The following DCDC2 variants were observed in gnomAD, a reference collection of about 807,000 sequenced individuals.
The protein encoded by DCDC2 is doublecortin domain-containing protein 2.
Under a neutral mutation model 50.2 loss-of-function variants are expected in DCDC2, and 40 were observed. That is an observed-to-expected ratio of 0.80 (90% confidence interval 0.62 to 1.04). The LOEUF is 1.04. Ranked by LOEUF, DCDC2 falls within the 50% of genes least tolerant of loss-of-function variation. The pLI is 0.00. For missense variants in DCDC2, 570 were observed against 581.9 expected (o/e 0.98, Z 0.21); for synonymous variants, 234 against 210.6 (o/e 1.11, Z -0.96).
intron 2 of DCDC2, among the ~76,000 whole-genome samples, chr6:24,306,543 T>TAGATAGAGAGACAGAC (rs1209633765): frequency 6.9e-5 from 8 of 115,722 alleles, no homozygotes; most frequent in East Asian, 2.7e-4. Flanking sequence ...GATAGATAGA[T>TAGATAGAGAGACAGAC]AGACAGACAG....
chr6:24,182,531 C>T (rs1761096434), intron 8 of DCDC2, among the ~76,000 whole-genome samples: 1 of 147,754 alleles, frequency 6.8e-6, no homozygotes, highest in South Asian at 2.1e-4. Context: ...ATACAAATGG[C>T]CAATAATCAC....
At chr6:24,287,366 A>AT (rs11400254) in intron 6 of DCDC2, among the ~76,000 whole-genome samples, 149,646 of 152,092 alleles carry the variant, frequency 0.98, 73,655 homozygotes, top group Middle Eastern at 1. Flanking sequence ...ATTTTGTTTC[A>AT]TTTTTTTGAG....
At chr6:24,216,318 A>C (rs1296588077) in intron 7 of DCDC2, among the ~76,000 whole-genome samples, 1 of 151,926 alleles carries the variant, frequency 6.6e-6, no homozygotes, top group Non-Finnish European at 1.5e-5. Flanking sequence ...GAAATAGTAA[A>C]AGGTAACAGG....
chr6:24,344,632 T>G (rs1188944587), intron 2 of DCDC2, among the ~76,000 whole-genome samples: 1 of 152,238 alleles, frequency 6.6e-6, no homozygotes, highest in Non-Finnish European at 1.5e-5. Context: ...TGATGAATAT[T>G]TTTCATTAGA....
At chr6:24,320,772 A>G (rs1759760188) in intron 2 of DCDC2, among the ~76,000 whole-genome samples, 1 of 152,154 alleles carries the variant, frequency 6.6e-6, no homozygotes, top group African/African-American at 2.4e-5. Context: ...GAGAGGGCCT[A>G]AAAGCATTGA....
At chr6:24,238,995 C>T (rs1329219526) in intron 7 of DCDC2, among the ~76,000 whole-genome samples, 7 of 152,162 alleles carry the variant, frequency 4.6e-5, no homozygotes, top group South Asian at 4.1e-4. Context: ...ATATGACATG[C>T]GTAATCTAAC....
At chr6:24,340,283 T>A (rs1210950243) in intron 2 of DCDC2, among the ~76,000 whole-genome samples, 1 of 152,160 alleles carries the variant, frequency 6.6e-6, no homozygotes, top group Non-Finnish European at 1.5e-5. Context: ...TATGGTAGCC[T>A]AATAGGTGAG....
chr6:24,267,146 C>A (rs1763138690), intron 7 of DCDC2, among the ~76,000 whole-genome samples: 1 of 151,996 alleles, frequency 6.6e-6, no homozygotes, highest in Non-Finnish European at 1.5e-5. Context: ...ATGGTGGTGA[C>A]CAGAGGCTGG....
At chr6:24,309,910 G>C (rs1194706270) in intron 2 of DCDC2, among the ~76,000 whole-genome samples, 1 of 152,070 alleles carries the variant, frequency 6.6e-6, no homozygotes, top group South Asian at 2.1e-4. Context: ...TGGGAGGACT[G>C]CTTGAGCCCA....
At chr6:24,185,194 A>AT (rs1206980649) in intron 8 of DCDC2, among the ~76,000 whole-genome samples, 1 of 152,180 alleles carries the variant, frequency 6.6e-6, no homozygotes, top group Non-Finnish European at 1.5e-5. Context: ...TATATACCCT[A>AT]ATTTCTTTCT....
chr6:24,358,779 TA>T (rs1760538179), upstream of DCDC2, among the ~76,000 whole-genome samples: 1 of 89,188 alleles, frequency 1.1e-5, no homozygotes, highest in Non-Finnish European at 2.0e-5. Context: ...TTTTTATATA[TA>T]ATATATAAAA....
the DCDC2 span, among the ~76,000 whole-genome samples, chr6:24,364,342 A>G: frequency 1.3e-5 from 2 of 152,208 alleles, no homozygotes; most frequent in African/African-American, 4.8e-5. Context: ...GCATGAGCAT[A>G]ACATACTGCA....
upstream of DCDC2, among the ~76,000 whole-genome samples, chr6:24,362,627 C>G (rs1386993483): frequency 6.6e-6 from 1 of 152,060 alleles, no homozygotes; most frequent in Non-Finnish European, 1.5e-5. Flanking sequence ...GCCTCACACG[C>G]CAGAACAAGG....
chr6:24,188,766 G>A (rs538488486), intron 8 of DCDC2, among the ~76,000 whole-genome samples: 10 of 151,318 alleles, frequency 6.6e-5, no homozygotes, highest in Admixed American at 1.3e-4. Flanking sequence ...CTGTTTCGCC[G>A]GAGGCAAAAA....
intron 4 of DCDC2, among the ~76,000 whole-genome samples, chr6:24,292,860 C>T (rs1425535884): frequency 3.3e-5 from 5 of 152,234 alleles, no homozygotes; most frequent in Non-Finnish European, 7.3e-5. Flanking sequence ...GTAGCCACCC[C>T]ATCCCCAGTT....
intron 8 of DCDC2, among the ~76,000 whole-genome samples, chr6:24,200,064 A>C (rs1415548777): frequency 1.3e-5 from 2 of 152,224 alleles, no homozygotes; most frequent in South Asian, 2.1e-4. Flanking sequence ...AGGGAGAATG[A>C]AACCAAGTTA....
At chr6:24,357,360 A>G (rs2127257342) in intron 1 of DCDC2, 98 bp downstream of exon 1, 4 of 1,382,668 alleles carry the variant, frequency 2.9e-6, no homozygotes, top group Middle Eastern at 2.0e-4. Context: ...CAGCCCCTCA[A>G]CCACTGAGGT....
chr6:24,326,157 A>G (rs1008086561), intron 2 of DCDC2, among the ~76,000 whole-genome samples: 2 of 112,284 alleles, frequency 1.8e-5, no homozygotes, highest in African/African-American at 3.2e-5. Context: ...GGAAGGAAAG[A>G]GAGGAAGGAA....
At chr6:24,306,541 GAT>G (rs1759478778) in intron 2 of DCDC2, among the ~76,000 whole-genome samples, 1 of 128,394 alleles carries the variant, frequency 7.8e-6, no homozygotes, top group African/African-American at 3.4e-5. Context: ...TAGATAGATA[GAT>G]AGACAGACAG....
Sources: gnomAD v4.1 joint callset for allele counts (sites outside exome capture counted in the v4.1 genomes callset) on GRCh38, gnomAD v4.1.1 for gene constraint, MANE v1.5 for transcripts, NCBI Gene and HGNC (gene_info 2026-07-23, HGNC 2026-07-21) for gene names.